Variants in TEC observed in about 807,000 individuals in gnomAD.
TEC encodes tec protein tyrosine kinase.
In TEC, 72 loss-of-function variants were observed where a neutral mutation model predicts 93.0. The observed-to-expected ratio is 0.77, with a 90% CI of 0.64 to 0.94. The LOEUF (loss-of-function observed/expected upper bound fraction) is 0.94. TEC is among the 40% of genes least tolerant of loss of function. The pLI, the probability that TEC is intolerant of heterozygous loss-of-function variation, is 0.00. For missense variants in TEC, 630 were observed against 757.9 expected (o/e 0.83, Z 1.98); for synonymous variants, 249 against 247.7 (o/e 1.01, Z -0.05).
chr4:48,237,552 G>C (rs769013706), intron 1 of TEC, among the ~76,000 whole-genome samples: 2 of 152,120 alleles, frequency 1.3e-5, no homozygotes, highest in Non-Finnish European at 1.5e-5. Flanking sequence ...TGATAACAGA[G>C]TGGGGAAAGG....
chr4:48,211,182 A>T (rs903342815), intron 2 of TEC, among the ~76,000 whole-genome samples: 4 of 152,238 alleles, frequency 2.6e-5, no homozygotes, highest in African/African-American at 7.2e-5. Flanking sequence ...CTCACTCCCT[A>T]ACTTCACAGA....
chr4:48,222,601 C>T (rs1330152304), intron 2 of TEC, among the ~76,000 whole-genome samples: 1 of 151,918 alleles, frequency 6.6e-6, no homozygotes, highest in Non-Finnish European at 1.5e-5. Context: ...GCAAACTGAC[C>T]TCCCCAATGT....
Position 48,154,379 on chromosome 4 carries a change from G to A in TEC, c.792+2301C>T, listed in dbSNP as rs116586085. On this transcript the variant is annotated intron_variant, in intron 9 of 17. Transcript: ENST00000381501. ...TCTGTGACCTTCTTGACACTTGCTT[G>A]ACTTGCATGTGAGCTTAATTAAAAT... Among the ~76,000 whole-genome samples the A allele has an allele frequency of 5.7e-3, 869 of 152,286 alleles. 9 individuals carry two copies. Among genetic ancestry groups the A allele is most frequent in the African/African-American group, 0.017 (691 of 41,562 alleles).
intron 7 of TEC, among the ~76,000 whole-genome samples, chr4:48,165,922 C>T (rs938513041): frequency 1.2e-4 from 18 of 152,184 alleles, no homozygotes; most frequent in African/African-American, 4.3e-4. Flanking sequence ...GAAGCTCTTG[C>T]TCTAACCCCA....
chr4:48,173,545 C>A lies in TEC; in HGVS notation c.244-2096G>T, dbSNP rs1242802594. On this transcript the variant is annotated intron_variant, in intron 3 of 17. Transcript: ENST00000381501. ...AGCTGTGTTTCTCTCTGCCTTAATT[C>A]TTGTGCTGAGTCATCCTACCACAGC... Among the ~76,000 whole-genome samples the A allele has an allele frequency of 7.2e-5, 11 of 152,276 alleles. No individual in the cohort carries two copies. In the East Asian group the frequency reaches 1.7e-3, roughly 24 times the overall value.
intron 1 of TEC, among the ~76,000 whole-genome samples, chr4:48,251,841 G>T (rs978685736): frequency 3.9e-5 from 6 of 152,158 alleles, no homozygotes; most frequent in Non-Finnish European, 7.4e-5. Context: ...GTTTCAGAAA[G>T]CTCATAATAA....
At chr4:48,198,093 A>C (rs1222122252) in intron 2 of TEC, among the ~76,000 whole-genome samples, 2 of 152,172 alleles carry the variant, frequency 1.3e-5, no homozygotes, top group East Asian at 1.9e-4. Context: ...AAGATCTGTA[A>C]GTAAAAATCT....
chr4:48,209,497 C>T (rs1355219), intron 2 of TEC, among the ~76,000 whole-genome samples: 24,069 of 151,976 alleles, frequency 0.16, 2,889 homozygotes, highest in African/African-American at 0.32. Flanking sequence ...GCCTGTATCC[C>T]AGCTATTCGG....
rs1164313714 is a variant in TEC at position 48,163,734 on chromosome 4, C to T, written c.705G>A (p.Thr235=). The change falls in exon 8 of 18, where the codon ACG becomes ACA. Residue 235 remains threonine, a synonymous_variant. Transcript: ENST00000381501. ...GATCTAAGTTGTTTGATTTCTTTCC[C>T]GTTACGTAATTACTTGGGATATATC... ...NEGYIPSNYV[T]GKKSNNLDQY... is the part of the protein sequence containing the mutation. 3.3e-6 allele frequency: 5 copies of T among 1,504,452 alleles called. No homozygotes were observed. Among genetic ancestry groups the T allele is most frequent in the East Asian group, 4.7e-5 (2 of 42,660 alleles). 93.2% of individuals were successfully genotyped at this position (1,504,452 alleles called of 1,614,324 possible).
intron 1 of TEC, among the ~76,000 whole-genome samples, chr4:48,238,907 T>A (rs1374231852): frequency 6.6e-6 from 1 of 152,030 alleles, no homozygotes; most frequent in Non-Finnish European, 1.5e-5. Flanking sequence ...CCCTTATGCA[T>A]CCCAGCATTA....
At chr4:48,247,990 C>T (rs891328211) in intron 1 of TEC, among the ~76,000 whole-genome samples, 1 of 152,178 alleles carries the variant, frequency 6.6e-6, no homozygotes, top group African/African-American at 2.4e-5. Flanking sequence ...CAGAGTGGAA[C>T]TCAGACTTAT....
At position 48,139,034 on chromosome 4, in the gene TEC, C is replaced by T. The variant is rs569815864; in HGVS notation, c.1536-12G>A. 44 of 1,601,674 alleles carry T rather than the reference C, an allele frequency of 2.7e-5. No individual in the cohort carries two copies. Among genetic ancestry groups the T allele is most frequent in the Admixed American group, 8.3e-5 (5 of 59,978 alleles). On this transcript the variant is annotated splice_polypyrimidine_tract_variant and intron_variant, in intron 15 of 17. Transcript: ENST00000381501. Reference sequence around the variant, plus strand: ...CATCCAGAACATACCTAGAGTAAGACACACCATGGGTTTACACCTCTGAAG... The same window carrying T: ...CATCCAGAACATACCTAGAGTAAGATACACCATGGGTTTACACCTCTGAAG...
intron 2 of TEC, among the ~76,000 whole-genome samples, chr4:48,197,462 T>C (rs1722339535): frequency 6.6e-6 from 1 of 152,196 alleles, no homozygotes. Context: ...CTTCGGCATA[T>C]GGATTGAGTT....
At chr4:48,245,915 G>A (rs1391168896) in intron 1 of TEC, among the ~76,000 whole-genome samples, 5 of 151,908 alleles carry the variant, frequency 3.3e-5, no homozygotes, top group South Asian at 2.1e-4. Context: ...GTTTGAGACC[G>A]GCCTGACCAG....
chr4:48,179,350 A>ATATATATC (rs1321944145), intron 2 of TEC, among the ~76,000 whole-genome samples: 9 of 27,302 alleles, frequency 3.3e-4, no homozygotes, highest in African/African-American at 8.4e-4. Flanking sequence ...ATATATATAT[A>ATATATATC]TATATATATA....
chr4:48,167,626 G>C (rs969381510), intron 7 of TEC, 152 bp downstream of exon 7: 1 of 630,644 alleles, frequency 1.6e-6, no homozygotes, highest in Admixed American at 3.0e-5. Flanking sequence ...CACTAAGAAA[G>C]GACTGTGTTA....
At chr4:48,228,162 T>C (rs1456138355) in intron 2 of TEC, among the ~76,000 whole-genome samples, 1 of 152,240 alleles carries the variant, frequency 6.6e-6, no homozygotes, top group Non-Finnish European at 1.5e-5. Context: ...AATTTATATT[T>C]GCTAAAGAAG....
In TEC at chr4:48,228,679, A is replaced by T. The variant is rs983295185; in HGVS notation, c.-45-20T>A. 1.3e-6 allele frequency: 2 copies of T among 1,542,032 alleles called. No individual in the cohort carries two copies. Among genetic ancestry groups the T allele is most frequent in the Admixed American group, 4.4e-5 (2 of 45,570 alleles). On this transcript the variant is annotated intron_variant, in intron 1 of 17. Coordinates refer to ENST00000381501, the MANE Select transcript of TEC (RefSeq NM_003215.3). ...AGTATTCTACAGTGAAAAAAGAAAC[A>T]GTTAAAATGTGACAGTTTAATTTTC...
chr4:48,140,363 C>T (rs1481270266), intron 15 of TEC, among the ~76,000 whole-genome samples: 1 of 152,198 alleles, frequency 6.6e-6, no homozygotes, highest in African/African-American at 2.4e-5. Context: ...TTTATTTTCA[C>T]CTACACTGGC....
Sources: allele counts gnomAD v4.1 joint callset (sites outside exome capture counted in the v4.1 genomes callset), GRCh38; gene constraint gnomAD v4.1.1; transcripts MANE v1.5; gene names NCBI Gene and HGNC (gene_info 2026-07-23, HGNC 2026-07-21).